Variants in RARA observed in about 807,000 individuals in gnomAD.
RARA encodes the protein retinoic acid receptor alpha.
Under a neutral mutation model 42.8 loss-of-function variants are expected in RARA, and 5 were observed. That is an observed-to-expected ratio of 0.12 (90% confidence interval 0.06 to 0.25). The LOEUF is 0.25. Ranked by LOEUF, RARA falls within the 10% of genes least tolerant of loss-of-function variation. The pLI is 1.00. For synonymous variants in RARA, 256 were observed against 259.5 expected, an observed-to-expected ratio of 0.99 and a Z score of 0.13; for missense variants, 402 against 628.7, an observed-to-expected ratio of 0.64 and a Z score of 3.86.
At chr17:40,321,303 G>A (rs1265807950) in intron 1 of RARA, among the ~76,000 whole-genome samples, 4 of 152,050 alleles carry the variant, frequency 2.6e-5, no homozygotes, top group South Asian at 4.2e-4. Flanking sequence ...CTCTTGCTTC[G>A]TCTGGATCTT....
chr17:40,353,371 C>T (rs2034514980), intron 6 of RARA, among the ~76,000 whole-genome samples: 1 of 152,156 alleles, frequency 6.6e-6, no homozygotes, highest in Non-Finnish European at 1.5e-5. Flanking sequence ...CTGTCCCTGA[C>T]AAGGGCTCGG....
chr17:40,333,015 G>A (rs1567752330), intron 2 of RARA, among the ~76,000 whole-genome samples: 1 of 152,212 alleles, frequency 6.6e-6, no homozygotes, highest in South Asian at 2.1e-4. Flanking sequence ...CTAGAAGACT[G>A]TCTGCTTCCT....
intron 2 of RARA, among the ~76,000 whole-genome samples, chr17:40,336,825 A>G (rs753270667): frequency 6.6e-6 from 1 of 152,074 alleles, no homozygotes; most frequent in Non-Finnish European, 1.5e-5. Flanking sequence ...CCTCCCAAGT[A>G]GCTGGGACTA....
At chr17:40,333,599 G>A (rs1228618033) in intron 2 of RARA, among the ~76,000 whole-genome samples, 1 of 151,238 alleles carries the variant, frequency 6.6e-6, no homozygotes, top group African/African-American at 2.4e-5. Context: ...GCCTCCCAAA[G>A]TGTTGGGATT....
At chr17:40,314,333 G>GTGTGTT (rs2033151381) in intron 1 of RARA, among the ~76,000 whole-genome samples, 1 of 152,132 alleles carries the variant, frequency 6.6e-6, no homozygotes, top group Non-Finnish European at 1.5e-5. Flanking sequence ...GCTGGCAGAA[G>GTGTGTT]TGTGTTTGAG....
At chr17:40,332,986 T>G (rs753473544) in intron 2 of RARA, among the ~76,000 whole-genome samples, 9 of 152,370 alleles carry the variant, frequency 5.9e-5, no homozygotes, top group African/African-American at 9.6e-5. Context: ...ATTTACATTC[T>G]GGACTTGGAT....
intron 2 of RARA, among the ~76,000 whole-genome samples, chr17:40,336,639 C>T (rs1387893783): frequency 6.6e-6 from 1 of 152,110 alleles, no homozygotes; most frequent in Non-Finnish European, 1.5e-5. Context: ...CCGCCTGCCT[C>T]GGCCTCCCAA....
Position 40,345,479 on chromosome 17 carries a change from G to A in RARA, c.179-2837G>A, listed in dbSNP as rs2034232669. ...AAACCGGCCCCTTGTGCGAGCCTGC[G>A]AACGGCTCGGGGGCGTGGGGAATCC... On this transcript the variant is annotated intron_variant, in intron 2 of 8. Coordinates refer to ENST00000254066, the MANE Select transcript of RARA (RefSeq NM_000964.4). This position sits in a 1 kb window ranked among gnomAD's most constrained non-coding sequence, Gnocchi z 4.8. 6.6e-6 allele frequency among the ~76,000 whole-genome samples: 1 copy of A among 152,246 alleles called. No individual in the cohort carries two copies. Among genetic ancestry groups the A allele is most frequent in the Admixed American group, 6.5e-5 (1 of 15,292 alleles).
rs1396763673 is a variant in RARA, at chr17:40,356,713, C to A, written c.*487C>A. On this transcript the variant is annotated 3_prime_UTR_variant, in exon 9 of 9. Transcript: ENST00000254066. Reference sequence around the variant, plus strand: ...CTGTACATACCCTGCCATACCAACCCCAGGTATTAATTCTCGCTGGTTTTG... The same window carrying A: ...CTGTACATACCCTGCCATACCAACCACAGGTATTAATTCTCGCTGGTTTTG... 7.4e-6 allele frequency: 4 copies of A among 537,890 alleles called. No individual in the cohort carries two copies. The highest frequency in any genetic ancestry group is 1.4e-5 in the Non-Finnish European group (4 of 279,702). The allele number at this position is 537,890 out of a possible 1,614,324, so 33.3% of individuals were successfully genotyped here. A position where few individuals can be genotyped will look rare whatever the true frequency, so the allele number is the denominator to read the frequency against.
chr17:40,349,005 T>A (rs2034360158), intron 3 of RARA: 1 of 155,108 alleles, frequency 6.4e-6, no homozygotes, highest in Non-Finnish European at 1.4e-5. Flanking sequence ...CTTCTCCTCC[T>A]TTCCCTGGGG....
chr17:40,342,932 TACTCGG>T, intron 2 of RARA: 1 of 1,545,932 alleles, frequency 6.5e-7, no homozygotes, highest in Non-Finnish European at 8.7e-7. Context: ...CTTCCACTAC[TACTCGG>T]GGGTGAGAGT....
In RARA at chr17:40,354,617, G is replaced by C; in HGVS notation, c.1012+111G>C. 7.7e-7 allele frequency: 1 copy of C among 1,304,458 alleles called. No individual in the cohort carries two copies. Among genetic ancestry groups the C allele is most frequent in the Non-Finnish European group, 1.0e-6 (1 of 958,274 alleles). 80.8% of individuals were successfully genotyped at this position (1,304,458 alleles called of 1,614,324 possible). On this transcript the variant is annotated intron_variant, in intron 7 of 8. Transcript: ENST00000254066. This position sits in a 1 kb window ranked among gnomAD's most constrained non-coding sequence, Gnocchi z 4.5. ...TCTGTTAGGTATCTCTAGAGGGCAG[G>C]GTCTGGTCTGCAACTACACAGCAAG...
At chr17:40,346,484 C>A in intron 2 of RARA, among the ~76,000 whole-genome samples, 1 of 150,988 alleles carries the variant, frequency 6.6e-6, no homozygotes, top group Non-Finnish European at 1.5e-5. Flanking sequence ...GTCCCCCCAA[C>A]CCTCCACATA....
chr17:40,311,854 C>A (rs2033102610), intron 1 of RARA, among the ~76,000 whole-genome samples: 1 of 152,172 alleles, frequency 6.6e-6, no homozygotes, highest in Non-Finnish European at 1.5e-5. Flanking sequence ...CTGTAGCACC[C>A]CAGCTTCTCC....
At chr17:40,344,612 G>A (rs1342513601) in intron 2 of RARA, among the ~76,000 whole-genome samples, 2 of 152,182 alleles carry the variant, frequency 1.3e-5, no homozygotes, top group Non-Finnish European at 2.9e-5. Context: ...GTATTGGTGA[G>A]CCCTTCCCCT....
At chr17:40,330,780 A>G (rs1012606114) in intron 1 of RARA, 77 bp from the exon 2 acceptor site, 63 of 215,376 alleles carry the variant, frequency 2.9e-4, no homozygotes, top group African/African-American at 1.4e-3. Flanking sequence ...CCGGCAGCCC[A>G]GGTTGGGGAG....
At chr17:40,343,328 C>T (rs560843838) in intron 2 of RARA, among the ~76,000 whole-genome samples, 19 of 152,322 alleles carry the variant, frequency 1.2e-4, no homozygotes, top group Non-Finnish European at 1.0e-4. Flanking sequence ...TGTGCGACAG[C>T]TGCTGCCCCC....
At chr17:40,342,581 A>G in intron 2 of RARA, 1 of 1,389,844 alleles carries the variant, frequency 7.2e-7, no homozygotes, top group Non-Finnish European at 9.3e-7. Context: ...TGCCCGGGTC[A>G]CCAGTCGGGG....
At chr17:40,318,919 G>T (rs181220289) in intron 1 of RARA, among the ~76,000 whole-genome samples, 1 of 152,354 alleles carries the variant, frequency 6.6e-6, no homozygotes, top group African/African-American at 2.4e-5. Flanking sequence ...AGCCGGCCGG[G>T]GGCCGGGCCG....
Sources: allele counts gnomAD v4.1 joint callset (sites outside exome capture counted in the v4.1 genomes callset), GRCh38; gene constraint gnomAD v4.1.1; non-coding constraint Gnocchi (gnomAD v3.1); transcripts MANE v1.5; gene names NCBI Gene and HGNC (gene_info 2026-07-23, HGNC 2026-07-21).